DOCK8: variants seen among roughly 807,000 people sequenced by gnomAD.
DOCK8 encodes the protein dedicator of cytokinesis protein 8.
Under a neutral mutation model 245.6 loss-of-function variants are expected in DOCK8, and 141 were observed. The ratio of observed to expected loss-of-function variants is 0.57; its 90% confidence interval spans 0.50 to 0.66. The LOEUF (loss-of-function observed/expected upper bound fraction) is 0.66, where lower values mean the gene tolerates loss of function less well. Among genes scored for constraint, DOCK8 ranks in the 30% least tolerant of loss-of-function variants. The pLI is 0.00. For missense variants in DOCK8, 2,965 were observed against 2,603.4 expected (o/e 1.14, Z -3.02); for synonymous variants, 1,168 against 970.2 (o/e 1.20, Z -3.79).
intron 28 of DOCK8, among the ~76,000 whole-genome samples, chr9:408,542 G>C (rs1335829057): frequency 1.3e-5 from 2 of 152,134 alleles, no homozygotes; most frequent in African/African-American, 4.8e-5. Context: ...GCAACAAAAA[G>C]TGCACCGAAC....
chr9:261,997 G>GCGAA (rs1554648146), intron 1 of DOCK8, among the ~76,000 whole-genome samples: 14 of 146,852 alleles, frequency 9.5e-5, no homozygotes, highest in African/African-American at 3.3e-4. Flanking sequence ...AAGAAAGAAG[G>GCGAA]AGAAAGAAAG....
At chr9:257,721 G>T (rs1377985155) in intron 1 of DOCK8, among the ~76,000 whole-genome samples, 1 of 152,188 alleles carries the variant, frequency 6.6e-6, no homozygotes, top group Non-Finnish European at 1.5e-5. Context: ...GTTTCACCAT[G>T]TTGGCCAGGA....
intron 1 of DOCK8, among the ~76,000 whole-genome samples, chr9:231,737 T>C (rs2047122439): frequency 6.6e-6 from 1 of 152,204 alleles, no homozygotes. Context: ...ATTATTTTTA[T>C]ACATTGATTT....
chr9:222,236 C>T (rs1241795040), intron 1 of DOCK8, among the ~76,000 whole-genome samples: 1 of 151,876 alleles, frequency 6.6e-6, no homozygotes, highest in Non-Finnish European at 1.5e-5. Context: ...ACTCTCCAGC[C>T]TGGGCCACAG....
chr9:279,293 G>T (rs1407708291), intron 2 of DOCK8, among the ~76,000 whole-genome samples: 1 of 152,210 alleles, frequency 6.6e-6, no homozygotes, highest in Non-Finnish European at 1.5e-5. Flanking sequence ...TTATCAAGTA[G>T]TGATGTTGAG....
intron 18 of DOCK8, among the ~76,000 whole-genome samples, chr9:373,742 A>G (rs751118282): frequency 1.3e-5 from 2 of 152,184 alleles, no homozygotes; most frequent in African/African-American, 2.4e-5. Flanking sequence ...GCCCTGGACC[A>G]CAGGCATGTG....
intron 25 of DOCK8, among the ~76,000 whole-genome samples, 192 bp downstream of exon 25, chr9:397,126 A>G (rs1421577683): frequency 6.6e-6 from 1 of 152,150 alleles, no homozygotes; most frequent in African/African-American, 2.4e-5. Flanking sequence ...AATTACACAC[A>G]TGAGGCCAGG....
intron 5 of DOCK8, among the ~76,000 whole-genome samples, chr9:308,439 C>G (rs987961165): frequency 6.6e-6 from 1 of 152,204 alleles, no homozygotes; most frequent in Non-Finnish European, 1.5e-5. Context: ...TGCGAGATGA[C>G]AGCAATGTTT....
intron 5 of DOCK8, 70 bp downstream of exon 5, chr9:304,774 A>C: frequency 6.2e-7 from 1 of 1,606,920 alleles, no homozygotes; most frequent in Non-Finnish European, 8.5e-7. Flanking sequence ...TGTCAGTTTT[A>C]CAAACTAGAA....
chr9:392,090 A>G (rs1017634354), intron 24 of DOCK8, among the ~76,000 whole-genome samples: 3 of 151,126 alleles, frequency 2.0e-5, no homozygotes, highest in African/African-American at 4.9e-5. Context: ...GTGAGCTGAG[A>G]TTGCGCCATT....
At chr9:273,194 C>T in intron 2 of DOCK8, 1 of 884,762 alleles carries the variant, frequency 1.1e-6, no homozygotes, top group Non-Finnish European at 1.4e-6. Context: ...CCTATAGCAT[C>T]TTTTACTGCA....
chr9:388,077 T>C (rs564589469), intron 23 of DOCK8, among the ~76,000 whole-genome samples: 1 of 152,224 alleles, frequency 6.6e-6, no homozygotes, highest in Non-Finnish European at 1.5e-5. Context: ...AGCTTATCCT[T>C]GTCTAATCTC....
At chr9:337,888 G>T (rs948320977) in intron 12 of DOCK8, among the ~76,000 whole-genome samples, 1 of 152,214 alleles carries the variant, frequency 6.6e-6, no homozygotes, top group Non-Finnish European at 1.5e-5. Context: ...GGGCGCAGTG[G>T]CTCATGCCTG....
At chr9:222,214 G>C (rs1370646737) in intron 1 of DOCK8, among the ~76,000 whole-genome samples, 1 of 151,908 alleles carries the variant, frequency 6.6e-6, no homozygotes, top group Non-Finnish European at 1.5e-5. Flanking sequence ...AGTGAGCTAT[G>C]ATTGCGCCAC....
In DOCK8 at chr9:426,997, A is replaced by G; in HGVS notation, c.4338+16A>G. On this transcript the variant is annotated intron_variant, in intron 34 of 47. Transcript: ENST00000432829. ...CATTATCCAGGTGAGGAAAACAAACACCCAATCTGATTTGTTGGCCATGAA... is the reference window on the plus strand; with the variant it reads ...CATTATCCAGGTGAGGAAAACAAACGCCCAATCTGATTTGTTGGCCATGAA... 6.3e-7 allele frequency: 1 copy of G among 1,599,202 alleles called. No homozygotes were observed.
intron 8 of DOCK8, among the ~76,000 whole-genome samples, chr9:326,252 G>A (rs1654473141): frequency 6.6e-6 from 1 of 152,204 alleles, no homozygotes; most frequent in Admixed American, 6.5e-5. Flanking sequence ...GAAGAGGACA[G>A]CAATAGCAAA....
chr9:304,212 C>T (rs1358064599), intron 4 of DOCK8, among the ~76,000 whole-genome samples: 5 of 152,148 alleles, frequency 3.3e-5, no homozygotes, highest in South Asian at 2.1e-4. Flanking sequence ...TATCTTCAAA[C>T]GATCTCTATT....
intron 26 of DOCK8, among the ~76,000 whole-genome samples, chr9:400,862 T>A (rs1352038881): frequency 1.8e-3 from 110 of 61,176 alleles, no homozygotes; most frequent in Non-Finnish European, 1.8e-3. Flanking sequence ...CACCACCTCC[T>A]CCACCATCAC....
chr9:291,634 T>G (rs1426135849), intron 4 of DOCK8, among the ~76,000 whole-genome samples: 1 of 152,138 alleles, frequency 6.6e-6, no homozygotes, highest in East Asian at 1.9e-4. Context: ...CTTTTCAGTG[T>G]TGTGCTTAAA....
Sources: allele counts gnomAD v4.1 joint callset (sites outside exome capture counted in the v4.1 genomes callset), GRCh38; gene constraint gnomAD v4.1.1; transcripts MANE v1.5; gene names NCBI Gene and HGNC (gene_info 2026-07-23, HGNC 2026-07-21).